Variants in ABCA2 observed in about 807,000 individuals in gnomAD.
The protein encoded by ABCA2 is ATP-binding cassette sub-family A member 2.
In ABCA2, 84 loss-of-function variants were observed where a neutral mutation model predicts 262.8. The ratio of observed to expected loss-of-function variants is 0.32; its 90% CI spans 0.27 to 0.38. ABCA2 has a LOEUF of 0.38. Ranked by LOEUF, ABCA2 falls within the 10% of genes least tolerant of loss-of-function variation. ABCA2 has a pLI of 1.00. For synonymous variants in ABCA2, 1,696 were observed against 1,502.9 expected, an observed-to-expected ratio of 1.13 and a Z score of -2.97; for missense variants, 2,662 against 3,405.9, an observed-to-expected ratio of 0.78 and a Z score of 5.44.
Position 137,017,778 on chromosome 9 carries a change from C to T in ABCA2, c.2211+9G>A. 1.9e-6 allele frequency: 3 copies of T among 1,612,216 alleles called. No homozygotes were observed. The highest frequency in any genetic ancestry group is 2.5e-6 in the Non-Finnish European group (3 of 1,179,662). On this transcript the variant is annotated intron_variant, in intron 16 of 48. Transcript: ENST00000341511. ...CCCGCGCCTCCAGGGAGAGTCCCGG[C>T]CCGCGCACCTCCTTGAGCCGGTGCT...
Position 137,010,379 on chromosome 9 carries a change from G to A in ABCA2, c.6175-8C>T, listed in dbSNP as rs2131429809. 6.4e-7 allele frequency: 1 copy of A among 1,561,638 alleles called. No individual in the cohort carries two copies. The highest frequency in any genetic ancestry group is 2.4e-5 in the East Asian group (1 of 42,038). On this transcript the variant is annotated splice_polypyrimidine_tract_variant and splice_region_variant and intron_variant, in intron 40 of 48. Coordinates refer to ENST00000341511, the MANE Select transcript of ABCA2 (RefSeq NM_001606.5). ...CTTCCGGGACTTGTAGACCTGGCCAGGAGCCTGCCCACTCAGCGGGGCATC... is the reference window on the plus strand; with the variant it reads ...CTTCCGGGACTTGTAGACCTGGCCAAGAGCCTGCCCACTCAGCGGGGCATC...
rs765194756 is a variant in ABCA2 at position 137,016,021 on chromosome 9, G to A, written c.3258C>T (p.Leu1086=). 15 of 1,608,816 alleles carry A rather than the reference G, an allele frequency of 9.3e-6. No homozygotes were observed. In the African/African-American group the frequency reaches 2.0e-4, roughly 22 times the overall value. ...TGCTCTTGAGCCGTGAGTAGAACCAGAGGTGTTCCTCCACCGTGAGCCGGT... is the reference window on the plus strand; with the variant it reads ...TGCTCTTGAGCCGTGAGTAGAACCAAAGGTGTTCCTCCACCGTGAGCCGGT... ...LFDRLTVEEH[L]WFYSRLKSMA... is the part of the protein sequence containing the mutation. The change falls in exon 22 of 49, where the codon CTC becomes CTT. Residue 1086 remains leucine, a synonymous_variant. Coordinates refer to ENST00000341511, the MANE Select transcript of ABCA2 (RefSeq NM_001606.5).
At chr9:137,022,556 C>A in intron 5 of ABCA2, 78 bp from the exon 6 acceptor site, 1 of 1,572,436 alleles carries the variant, frequency 6.4e-7, no homozygotes, top group Admixed American at 1.8e-5. Flanking sequence ...GAGCCGAGCC[C>A]AACACCACAG....
rs1831022674 is a variant in ABCA2 at position 137,011,050 on chromosome 9, C to T, written c.5979G>A (p.Leu1993=). ...CGACGCCCTCAACCGCCATGGCCAC[C>T]AGTCCGCGGGTGACAATGTCCCACT... ...PFEWDIVTRG[L]VAMAVEGVVG... Residue 1993 remains leucine, a synonymous_variant, in exon 39 of 49, where the codon CTG becomes CTA. Coordinates refer to ENST00000341511, the MANE Select transcript of ABCA2 (RefSeq NM_001606.5). The surrounding 1 kb of genome is among the most constrained non-coding windows in gnomAD (Gnocchi z 8.8). The T allele has an allele frequency of 6.2e-7, 1 of 1,611,964 alleles. No homozygotes were observed. Among genetic ancestry groups the T allele is most frequent in the Non-Finnish European group, 8.5e-7 (1 of 1,179,718 alleles).
rs1831269005 is a variant in ABCA2, at chr9:137,016,635, G to A, written c.2862C>T (p.Arg954=). The change falls in exon 20 of 49, where the codon CGC becomes CGT. Residue 954 remains arginine (R), a synonymous_variant. Transcript: ENST00000341511. Reference sequence around the variant, plus strand: ...CCTCCATGACACTGAGGCGGGGGGTGCGTGCCCACGGCCAGCTCCACTCCC... The same window carrying A: ...CCTCCATGACACTGAGGCGGGGGGTACGTGCCCACGGCCAGCTCCACTCCC... ...EAWEWSWPWA[R]TPRLSVMEED... 1.2e-6 allele frequency: 2 copies of A among 1,610,414 alleles called. No homozygotes were observed. The highest frequency in any genetic ancestry group is 1.3e-5 in the African/African-American group (1 of 74,902).
chr9:137,023,990 C>G (rs1436149324), intron 2 of ABCA2, 150 bp from the exon 3 acceptor site: 13 of 1,533,658 alleles, frequency 8.5e-6, no homozygotes, highest in Non-Finnish European at 1.8e-6. Flanking sequence ...ACAGCCCAGC[C>G]AGGAGGCACG....
In ABCA2 at chr9:137,022,771, G is replaced by C. The variant is rs748510146; in HGVS notation, c.370C>G (p.Leu124Val). 3 of 1,601,752 alleles carry C rather than the reference G, an allele frequency of 1.9e-6. No individual in the cohort carries two copies. Among genetic ancestry groups the C allele is most frequent in the Non-Finnish European group, 2.6e-6 (3 of 1,175,932 alleles). ...RPSLGSELEA[L>V]RQHLEALSAG... ...CTGAGGGCCTCCAGATGCTGGCGTA[G>C]GGCCTCGAGCTCTGAGCCCAGGCTG... The change falls in exon 5 of 49, where the codon CTA (leucine) becomes GTA (valine). Residue 124 changes from leucine to valine, a missense_variant. This residue lies in a region of ABCA2 where 403 missense variants were observed against 375.9 expected (regional missense o/e 1.07). Coordinates refer to ENST00000341511, the MANE Select transcript of ABCA2 (RefSeq NM_001606.5).
chr9:137,018,503 A>C (rs1588520519), intron 13 of ABCA2, 152 bp from the exon 14 acceptor site: 4 of 314,004 alleles, frequency 1.3e-5, no homozygotes, highest in Non-Finnish European at 1.7e-5. Context: ...TGGGGGCCCC[A>C]GGGGAAAGGT....
rs773778511 is a variant in ABCA2, at chr9:137,012,385, G to A, written c.5188-9C>T. 1.4e-5 allele frequency: 23 copies of A among 1,611,232 alleles called. No individual in the cohort carries two copies. The Admixed American group carries it at 1.5e-4, about 11-fold the overall frequency. ...TTGTTGTTGTAGAAAACCTGCAGAA[G>A]GAAGAGGACACAGAAAGGCCCCAGG... is the stretch of plus-strand genomic sequence containing the variant. On this transcript the variant is annotated splice_polypyrimidine_tract_variant and intron_variant, in intron 32 of 48. Transcript: ENST00000341511.
At position 137,011,957 on chromosome 9, in the gene ABCA2, C is replaced by A; in HGVS notation, c.5422G>T (p.Ala1808Ser). 6.2e-7 allele frequency: 1 copy of A among 1,612,676 alleles called. No individual in the cohort carries two copies. The highest frequency in any genetic ancestry group is 8.5e-7 in the Non-Finnish European group (1 of 1,179,966). ...FIIVAMSFVP[A>S]SFVVFLVAEK... ...GCCACGAGGAAGACAACGAAGCTGGCCGGCACGAAGGACATGGCCACGATG... is the reference window on the plus strand; with the variant it reads ...GCCACGAGGAAGACAACGAAGCTGGACGGCACGAAGGACATGGCCACGATG... The change falls in exon 35 of 49, where the codon GCC becomes TCC. Residue 1808 changes from alanine to serine, a missense_variant. Coordinates refer to ENST00000341511, the MANE Select transcript of ABCA2 (RefSeq NM_001606.5). This position sits in a 1 kb window ranked among gnomAD's most constrained non-coding sequence, Gnocchi z 8.8.
At position 137,008,557 on chromosome 9, in the gene ABCA2, G is replaced by C; in HGVS notation, c.7134C>G (p.Ser2378=). ...NLEQQETEPP[S]ALQSPLGCLL... is the part of the protein sequence containing the mutation. Reference sequence around the variant, plus strand: ...AGCAGCCGAGAGGGGACTGCAGTGCGGATGGCGGCTCCGTCTCCTGCTGCT... The same window carrying C: ...AGCAGCCGAGAGGGGACTGCAGTGCCGATGGCGGCTCCGTCTCCTGCTGCT... The change falls in exon 48 of 49, where the codon TCC becomes TCG. Residue 2378 remains serine (S), a synonymous_variant. Transcript: ENST00000341511. The C allele has an allele frequency of 6.2e-7, 1 of 1,607,332 alleles. No homozygotes were observed. Among genetic ancestry groups the C allele is most frequent in the Non-Finnish European group, 8.5e-7 (1 of 1,177,634 alleles).
In ABCA2 at chr9:137,028,147, G is replaced by T; in HGVS notation, c.-7C>A. ...GCTGGTGCAGGAAGCCCATGGCGGG[G>T]CCACGCTCCGCCGCCTCAGCGCCGC... On this transcript the variant is annotated 5_prime_UTR_variant, in exon 1 of 49. Transcript: ENST00000341511. This position sits in a 1 kb window ranked among gnomAD's most constrained non-coding sequence, Gnocchi z 6.9. 3.1e-6 allele frequency: 3 copies of T among 982,486 alleles called. No homozygotes were observed. Among genetic ancestry groups the T allele is most frequent in the South Asian group, 9.0e-5 (2 of 22,136 alleles). 60.9% of individuals were successfully genotyped at this position (982,486 alleles called of 1,614,324 possible).
In ABCA2 at chr9:137,011,225, C is replaced by T; in HGVS notation, c.5884G>A (p.Ala1962Thr). ...YNLGHGLMEM[A>T]YNEYINEYYA... ...TACTCGTTGATGTACTCGTTGTAGG[C>T]CATCTCCATGAGCCCGTGGCCCAGG... The change falls in exon 38 of 49, where the codon GCC (alanine) becomes ACC (threonine). Residue 1962 changes from alanine to threonine, a missense_variant. Physicochemically the swap from Ala to Thr is moderately conservative, Grantham distance 58. Around this residue, in one of 12 missense-constraint regions of ABCA2, gnomAD observed 602 missense variants for 897.4 expected, o/e 0.67. Transcript: ENST00000341511. The surrounding 1 kb of genome is among the most constrained non-coding windows in gnomAD (Gnocchi z 8.8). 6.2e-7 allele frequency: 1 copy of T among 1,612,588 alleles called. No individual in the cohort carries two copies. The highest frequency in any genetic ancestry group is 1.3e-5 in the African/African-American group (1 of 75,006).
In ABCA2 at chr9:137,009,862, G is replaced by A. The variant is rs377258840; in HGVS notation, c.6537C>T (p.Tyr2179=). Residue 2179 remains tyrosine (Y), a synonymous_variant, in exon 43 of 49, where the codon TAC becomes TAT. Coordinates refer to ENST00000341511, the MANE Select transcript of ABCA2 (RefSeq NM_001606.5). ...TGTAGGTGCCAGCCGGCTTGTCTGC[G>A]TACTTGGTCAGCTCCAGCTTCTCCA... ...WALEKLELTK[Y]ADKPAGTYSG... 2.8e-5 allele frequency: 45 copies of A among 1,612,164 alleles called. No homozygotes were observed. The Admixed American group carries it at 2.8e-4, about 10-fold the overall frequency.
chr9:137,027,725 C>G (rs1831699404), intron 1 of ABCA2: 1 of 152,318 alleles, frequency 6.6e-6, no homozygotes, highest in South Asian at 2.1e-4. Context: ...TGCCTTCTGT[C>G]CTGGGAACCA....
chr9:137,014,690 C>T lies in ABCA2; in HGVS notation c.4003G>A (p.Asp1335Asn), dbSNP rs376521062. 11 of 1,605,496 alleles carry T rather than the reference C, an allele frequency of 6.9e-6. No individual in the cohort carries two copies. Among genetic ancestry groups the T allele is most frequent in the South Asian group, 1.1e-5 (1 of 89,210 alleles). Residue 1335 changes from aspartate (D) to asparagine (N), a missense_variant and splice_region_variant, in exon 26 of 49, where the codon GAT becomes AAT. By Grantham distance (23) the Asp-to-Asn change is conservative. Transcript: ENST00000341511. ...TGAGCAAGTGGTCCAGGCCCCTCAC[C>T]GGCCTCACTGTTCTCCAGCGACTGA... ...EDQSLENSEADVKESRKDVLP... is the reference protein window; with the variant it reads ...EDQSLENSEANVKESRKDVLP...
In ABCA2 at chr9:137,022,980, T is replaced by C; in HGVS notation, c.236A>G (p.Gln79Arg). The change falls in exon 4 of 49, where the codon CAG (glutamine) becomes CGG (arginine). Residue 79 changes from glutamine (Q) to arginine (R), a missense_variant. Around this residue, in one of 12 missense-constraint regions of ABCA2, gnomAD observed 101 missense variants for 152.3 expected, o/e 0.66. Coordinates refer to ENST00000341511, the MANE Select transcript of ABCA2 (RefSeq NM_001606.5). ...CTGCAGGAAGCCGAACTCGTCTCGC[T>C]GGCCGTCCGGGCACAGCGATTGCAT... ...PVMQSLCPDG[Q>R]RDEFGFLQYA... The C allele has an allele frequency of 6.3e-7, 1 of 1,591,924 alleles. No individual in the cohort carries two copies. The highest frequency in any genetic ancestry group is 8.5e-7 in the Non-Finnish European group (1 of 1,170,338).
At chr9:137,013,722 G>T in intron 28 of ABCA2, 110 bp downstream of exon 28, 1 of 1,381,990 alleles carries the variant, frequency 7.2e-7, no homozygotes, top group Non-Finnish European at 9.9e-7. Context: ...CCCAGCCTCA[G>T]GTGTGGGGTG....
chr9:137,024,176 G>C lies in ABCA2; in HGVS notation c.127C>G (p.Arg43Gly). ...LVLFFILLGL[R>G]QKKPTISVKE... ...ACGGAGATGGTGGGCTTCTTCTGTC[G>C]CAGCCCCAGCAGGATAAAGAACAGC... Residue 43 changes from arginine (R) to glycine (G), a missense_variant, in exon 2 of 49, where the codon CGA becomes GGA. Physicochemically the swap from Arg to Gly is moderately radical, Grantham distance 125 (BLOSUM62 -2). Around this residue, in one of 12 missense-constraint regions of ABCA2, gnomAD observed 101 missense variants for 152.3 expected, o/e 0.66. Coordinates refer to ENST00000341511, the MANE Select transcript of ABCA2 (RefSeq NM_001606.5). The C allele has an allele frequency of 6.2e-7, 1 of 1,611,576 alleles. No individual in the cohort carries two copies. The highest frequency in any genetic ancestry group is 8.5e-7 in the Non-Finnish European group (1 of 1,179,278).
Sources: allele counts gnomAD v4.1 joint callset, GRCh38; gene constraint gnomAD v4.1.1; regional missense constraint gnomAD v4.1.1; non-coding constraint Gnocchi (gnomAD v3.1); transcripts MANE v1.5; gene names NCBI Gene and HGNC (gene_info 2026-07-23, HGNC 2026-07-21).